The following ETNK1 variants were observed in gnomAD, a reference collection of about 807,000 sequenced individuals.
ETNK1 encodes the protein ethanolamine kinase 1.
In ETNK1, 8 loss-of-function variants were observed where a neutral mutation model predicts 45.1. The ratio of observed to expected loss-of-function variants is 0.18; its 90% CI spans 0.10 to 0.32. The LOEUF is 0.32. Ranked by LOEUF, ETNK1 falls within the 10% of genes least tolerant of loss-of-function variation. ETNK1 has a pLI of 1.00. For missense variants in ETNK1, 302 were observed against 430.6 expected (o/e 0.70, Z 2.64); for synonymous variants, 152 against 151.9 (o/e 1.00, Z -0.01).
In ETNK1 at chr12:22,689,893, CTT is replaced by C. The variant is rs1954289438; in HGVS notation, c.*4943_*4944del. On this transcript the variant is annotated 3_prime_UTR_variant, in exon 8 of 8. Transcript: ENST00000266517. ...ATAAATTGAGTCTGCAAAGAGGAAA[CTT>C]TTTGACTGTACTGTATTTAGGAGCC... 6.6e-6 allele frequency: 1 copy of C among 152,210 alleles called. No individual in the cohort carries two copies. Among genetic ancestry groups the C allele is most frequent in the South Asian group, 2.1e-4 (1 of 4,828 alleles). 9.4% of individuals were successfully genotyped at this position (152,210 alleles called of 1,614,324 possible).
intron 3 of ETNK1, among the ~76,000 whole-genome samples, chr12:22,660,146 A>T (rs1182812352): frequency 6.6e-6 from 1 of 151,962 alleles, no homozygotes; most frequent in Non-Finnish European, 1.5e-5. Flanking sequence ...ACAGTAGTGG[A>T]GAAAATATAG....
chr12:22,683,136 C>T (rs1954228978), intron 6 of ETNK1, among the ~76,000 whole-genome samples: 1 of 152,134 alleles, frequency 6.6e-6, no homozygotes, highest in African/African-American at 2.4e-5. Flanking sequence ...TAAAGCCACA[C>T]GCCAGAGCCC....
chr12:22,659,598 CCTAA>C (rs1447966897), intron 3 of ETNK1, among the ~76,000 whole-genome samples: 1 of 152,070 alleles, frequency 6.6e-6, no homozygotes, highest in Non-Finnish European at 1.5e-5. Flanking sequence ...GGGAACTTAA[CCTAA>C]CTGTTTCCTT....
chr12:22,663,244 T>C (rs1954024765), intron 4 of ETNK1, among the ~76,000 whole-genome samples: 1 of 152,164 alleles, frequency 6.6e-6, no homozygotes, highest in Admixed American at 6.6e-5. Context: ...ATTAAAGCAG[T>C]GTATGAGCTT....
chr12:22,645,697 C>CT (rs1565439973), intron 2 of ETNK1, among the ~76,000 whole-genome samples: 1 of 151,616 alleles, frequency 6.6e-6, no homozygotes, highest in African/African-American at 2.4e-5. Flanking sequence ...TCATCTCAGA[C>CT]ATTTTTTTTT....
intron 2 of ETNK1, among the ~76,000 whole-genome samples, chr12:22,647,738 A>G (rs980196223): frequency 4.6e-5 from 7 of 151,920 alleles, no homozygotes; most frequent in African/African-American, 9.7e-5. Flanking sequence ...TATTTTTGTT[A>G]TTGTTAGAAT....
At chr12:22,672,445 A>G (rs954038158) in intron 5 of ETNK1, among the ~76,000 whole-genome samples, 4 of 152,174 alleles carry the variant, frequency 2.6e-5, no homozygotes, top group Non-Finnish European at 4.4e-5. Flanking sequence ...TTTTAATTTG[A>G]TGTTTCCAGT....
intron 1 of ETNK1, 138 bp from the exon 2 acceptor site, chr12:22,643,624 TA>T (rs1953767382): frequency 1.7e-6 from 1 of 577,764 alleles, no homozygotes; most frequent in South Asian, 3.1e-5. Context: ...GATAAAATTG[TA>T]TTCAAAGATG....
chr12:22,647,477 CTT>C (rs1592121467), intron 2 of ETNK1, among the ~76,000 whole-genome samples: 2 of 151,934 alleles, frequency 1.3e-5, no homozygotes, highest in South Asian at 4.1e-4. Context: ...TTAAAAGTCT[CTT>C]ATATTCAGAT....
At chr12:22,664,243 T>G (rs1381152103) in intron 4 of ETNK1, among the ~76,000 whole-genome samples, 1 of 152,012 alleles carries the variant, frequency 6.6e-6, no homozygotes, top group East Asian at 1.9e-4. Flanking sequence ...GCATTTAATA[T>G]GCAAATAATA....
At chr12:22,672,916 A>G (rs1390787358) in intron 5 of ETNK1, among the ~76,000 whole-genome samples, 2 of 152,162 alleles carry the variant, frequency 1.3e-5, no homozygotes, top group East Asian at 3.9e-4. Context: ...TTTGCAAGGA[A>G]TGGAAAAGAG....
intron 2 of ETNK1, among the ~76,000 whole-genome samples, chr12:22,654,459 G>T (rs1158455654): frequency 6.6e-6 from 1 of 152,180 alleles, no homozygotes; most frequent in Non-Finnish European, 1.5e-5. Flanking sequence ...TAGTACATGA[G>T]ATTATTAAAA....
At chr12:22,654,991 G>T (rs546079718) in intron 2 of ETNK1, among the ~76,000 whole-genome samples, 1 of 152,078 alleles carries the variant, frequency 6.6e-6, no homozygotes, top group South Asian at 2.1e-4. Context: ...TTTTTGAAAC[G>T]TAGTTTCACT....
intron 6 of ETNK1, among the ~76,000 whole-genome samples, chr12:22,677,800 G>A (rs1954175816): frequency 6.6e-6 from 1 of 152,022 alleles, no homozygotes; most frequent in South Asian, 2.1e-4. Flanking sequence ...TCATGATTTG[G>A]CTCTCTGTTT....
At chr12:22,684,654 T>A in intron 7 of ETNK1, 98 bp downstream of exon 7, 1 of 926,566 alleles carries the variant, frequency 1.1e-6, no homozygotes, top group Non-Finnish European at 1.7e-6. Flanking sequence ...TGCAATCAAT[T>A]ATAAAAGTTG....
chr12:22,625,911 A>G (rs1592106452), intron 1 of ETNK1: 2 of 600,234 alleles, frequency 3.3e-6, no homozygotes, highest in East Asian at 3.6e-5. Context: ...TGCAAAATGA[A>G]CCTTTCCACT....
intron 1 of ETNK1, 62 bp downstream of exon 1, chr12:22,625,648 C>T (rs1045818393): frequency 2.0e-6 from 3 of 1,514,776 alleles, no homozygotes; most frequent in African/African-American, 2.7e-5. Context: ...GGGGTCCTCA[C>T]CACAATCGCC....
At position 22,625,660 on chromosome 12, in the gene ETNK1, C is replaced by T. The variant is rs893753021; in HGVS notation, c.156+74C>T. Reference sequence around the variant, plus strand: ...CTGGGGGTCCTCACCACAATCGCCTCTGTCCCACGATGACCGAGGAGGACC... The same window carrying T: ...CTGGGGGTCCTCACCACAATCGCCTTTGTCCCACGATGACCGAGGAGGACC... On this transcript the variant is annotated intron_variant, in intron 1 of 7. Transcript: ENST00000266517. The T allele has an allele frequency of 3.3e-5, 50 of 1,515,154 alleles. No individual in the cohort carries two copies. In the African/African-American group the frequency reaches 6.5e-4, roughly 20 times the overall value. 93.9% of individuals were successfully genotyped at this position (1,515,154 alleles called of 1,614,324 possible).
At chr12:22,682,840 T>A (rs955318314) in intron 6 of ETNK1, among the ~76,000 whole-genome samples, 11 of 152,152 alleles carry the variant, frequency 7.2e-5, no homozygotes, top group African/African-American at 2.4e-4. Flanking sequence ...TGAAAGTAAT[T>A]TTGGGCCTCC....
Sources: allele counts gnomAD v4.1 joint callset (sites outside exome capture counted in the v4.1 genomes callset), GRCh38; gene constraint gnomAD v4.1.1; transcripts MANE v1.5; gene names NCBI Gene and HGNC (gene_info 2026-07-23, HGNC 2026-07-21).